The following COMMD7 variants were observed in gnomAD, a reference collection of about 807,000 sequenced individuals.
COMMD7 encodes COMM domain containing 7.
A neutral mutation model predicts 34.8 loss-of-function variants in COMMD7; 28 were observed. The observed-to-expected ratio is 0.80, with a 90% confidence interval of 0.60 to 1.10. COMMD7 has a LOEUF of 1.10. Among genes scored for constraint, COMMD7 ranks in the 50% least tolerant of loss-of-function variants. COMMD7 has a pLI of 0.00. For missense variants in COMMD7, 211 were observed against 241.6 expected, an observed-to-expected ratio of 0.87 and a Z score of 0.84; for synonymous variants, 80 against 86.4, an observed-to-expected ratio of 0.93 and a Z score of 0.41.
rs1176056154 is a variant in COMMD7 at position 32,739,644 on chromosome 20, C to CAA, written c.84+3662_84+3663dup. 1.7e-3 allele frequency among the ~76,000 whole-genome samples: 95 copies of CAA among 55,994 alleles called. 4 individuals are homozygous for CAA. The highest frequency in any genetic ancestry group is 4.4e-3 in the South Asian group (5 of 1,146). The allele number at this position is 55,994 out of a possible 152,430, so 36.7% of individuals were successfully genotyped here. On this transcript the variant is annotated intron_variant, in intron 1 of 8. Coordinates refer to ENST00000278980, the MANE Select transcript of COMMD7 (RefSeq NM_053041.3). ...TCGGTGACAGAGCAAGGCTCTGTAT[C>CAA]AAAAAAAAAAAAAAAAAAAATACAT...
intron 1 of COMMD7, among the ~76,000 whole-genome samples, chr20:32,739,644 C>CA (rs1176056154): frequency 0.014 from 802 of 55,976 alleles, 57 homozygotes; most frequent in African/African-American, 0.034. Context: ...GGCTCTGTAT[C>CA]AAAAAAAAAA....
At chr20:32,725,674 C>A (rs997414325) in intron 3 of COMMD7, among the ~76,000 whole-genome samples, 1 of 152,030 alleles carries the variant, frequency 6.6e-6, no homozygotes, top group African/African-American at 2.4e-5. Context: ...GTGATCCGCC[C>A]ATCTTGGCCT....
intron 1 of COMMD7, among the ~76,000 whole-genome samples, chr20:32,729,344 T>A (rs1359660873): frequency 6.6e-6 from 1 of 151,688 alleles, no homozygotes. Flanking sequence ...AATTTTTGTA[T>A]TTTTAGTAGA....
chr20:32,741,733 G>A (rs749889937), intron 1 of COMMD7, among the ~76,000 whole-genome samples: 1 of 152,010 alleles, frequency 6.6e-6, no homozygotes, highest in East Asian at 1.9e-4. Flanking sequence ...TTTCTATTTA[G>A]ATTTGTCTAA....
intron 5 of COMMD7, 29 bp from the exon 6 acceptor site, chr20:32,704,933 T>G: frequency 6.6e-7 from 1 of 1,526,144 alleles, no homozygotes; most frequent in African/African-American, 1.4e-5. Context: ...ACAAAGTCAA[T>G]TACAATAGGA....
intron 1 of COMMD7, among the ~76,000 whole-genome samples, chr20:32,735,848 CCTGT>C (rs1046035139): frequency 1.4e-4 from 22 of 152,200 alleles, no homozygotes; most frequent in African/African-American, 5.1e-4. Context: ...GTTTGAATTT[CCTGT>C]CTATTACTTT....
intron 1 of COMMD7, among the ~76,000 whole-genome samples, chr20:32,740,045 C>T (rs1266127567): frequency 4.3e-5 from 6 of 139,768 alleles, no homozygotes; most frequent in African/African-American, 1.4e-4. Flanking sequence ...TGGCCGGATG[C>T]GGTGGCTCAC....
chr20:32,736,219 C>T (rs1354195174), intron 1 of COMMD7, among the ~76,000 whole-genome samples: 2 of 152,090 alleles, frequency 1.3e-5, no homozygotes, highest in Non-Finnish European at 2.9e-5. Flanking sequence ...CACAATGATT[C>T]GTTTTACTAC....
At chr20:32,707,117 C>CAA (rs34159119) in intron 3 of COMMD7, among the ~76,000 whole-genome samples, 19 of 118,438 alleles carry the variant, frequency 1.6e-4, no homozygotes, top group African/African-American at 5.4e-4. Context: ...ATTAAAAATA[C>CAA]AAAAAAAAAA....
chr20:32,732,669 G>A (rs1985907073), intron 1 of COMMD7, among the ~76,000 whole-genome samples: 1 of 152,156 alleles, frequency 6.6e-6, no homozygotes, highest in African/African-American at 2.4e-5. Context: ...GCTCAAGCCT[G>A]TAATCCCAGC....
rs1237024434 is a variant in COMMD7, at chr20:32,704,490, C to T, written c.428-1G>A. On this transcript the variant is annotated splice_acceptor_variant, in intron 6 of 8. Coordinates refer to ENST00000278980, the MANE Select transcript of COMMD7 (RefSeq NM_053041.3). LOFTEE classifies it high-confidence loss of function. ...TCCAATTCGCTGCTCCCAGATGTCA[C>T]TGTGACAAAAAAAAAAAAAAAGAGA... 10 of 1,533,556 alleles carry T rather than the reference C, an allele frequency of 6.5e-6. No individual in the cohort carries two copies. Among genetic ancestry groups the T allele is most frequent in the Non-Finnish European group, 8.8e-6 (10 of 1,142,818 alleles). 95.0% of individuals were successfully genotyped at this position (1,533,556 alleles called of 1,614,324 possible). A position where few individuals can be genotyped will look rare whatever the true frequency, so the allele number is the denominator to read the frequency against.
At position 32,730,632 on chromosome 20, in the gene COMMD7, T is replaced by G. The variant is rs141168866; in HGVS notation, c.85-2490A>C. 2.4e-3 allele frequency among the ~76,000 whole-genome samples: 362 copies of G among 152,220 alleles called. 3 individuals are homozygous for G. Among genetic ancestry groups the G allele is most frequent in the African/African-American group, 8.5e-3 (352 of 41,554 alleles). On this transcript the variant is annotated intron_variant, in intron 1 of 8. Transcript: ENST00000278980. ...GTGGGGAAAACCAGGATGCCAGGGT[T>G]TAAAAGACCCAGTTCAATCAGTGTT...
At chr20:32,727,742 T>C in intron 3 of COMMD7, 151 bp downstream of exon 3, 1 of 655,434 alleles carries the variant, frequency 1.5e-6, no homozygotes, top group Non-Finnish European at 2.7e-6. Flanking sequence ...ACCTGTTACG[T>C]GGGCTCCCTC....
chr20:32,742,845 C>T (rs1050542184), intron 1 of COMMD7, among the ~76,000 whole-genome samples: 3 of 152,148 alleles, frequency 2.0e-5, no homozygotes, highest in Non-Finnish European at 4.4e-5. Context: ...GGCCCTCCCA[C>T]TCCCCTCAGG....
chr20:32,725,034 T>G (rs1985425975), intron 3 of COMMD7, among the ~76,000 whole-genome samples: 1 of 151,756 alleles, frequency 6.6e-6, no homozygotes, highest in African/African-American at 2.4e-5. Flanking sequence ...AATACTCACA[T>G]TTGTGAGTAA....
intron 3 of COMMD7, 90 bp downstream of exon 3, chr20:32,727,803 G>T: frequency 2.8e-6 from 3 of 1,075,754 alleles, no homozygotes; most frequent in Non-Finnish European, 4.3e-6. Context: ...GCTCTGGCTT[G>T]GCCCACGGAG....
At chr20:32,736,767 G>T (rs1986148080) in intron 1 of COMMD7, among the ~76,000 whole-genome samples, 1 of 150,474 alleles carries the variant, frequency 6.6e-6, no homozygotes, top group African/African-American at 2.4e-5. Context: ...GTTCCTGGGG[G>T]TGATGGCTCA....
rs754807110 is a variant in COMMD7 at position 32,727,920 on chromosome 20, C to G, written c.214G>C (p.Val72Leu). 10 of 1,613,862 alleles carry G rather than the reference C, an allele frequency of 6.2e-6. No homozygotes were observed. Among genetic ancestry groups the G allele is most frequent in the South Asian group, 4.4e-5 (4 of 91,092 alleles). ...TTTGGAACCAGAAGGAGGCTTTTCA[C>G]GATGCTTCTGAGGGAGCCAAGACTG... ...QISLGSLRSI[V>L]KSLLLVPNGA... The change falls in exon 3 of 9, where the codon GTG becomes CTG. Residue 72 changes from valine to leucine, a missense_variant. Coordinates refer to ENST00000278980, the MANE Select transcript of COMMD7 (RefSeq NM_053041.3).
intron 3 of COMMD7, among the ~76,000 whole-genome samples, chr20:32,725,663 C>T (rs1041961373): frequency 1.4e-4 from 22 of 152,014 alleles, no homozygotes; most frequent in African/African-American, 2.2e-4. Context: ...CTCCTGACCT[C>T]GTGATCCGCC....
Sources: gnomAD v4.1 joint callset for allele counts (sites outside exome capture counted in the v4.1 genomes callset) on GRCh38, gnomAD v4.1.1 for gene constraint, MANE v1.5 for transcripts, NCBI Gene and HGNC (gene_info 2026-07-23, HGNC 2026-07-21) for gene names.